Variants in PTPN3 observed in about 807,000 individuals in gnomAD.
The protein encoded by PTPN3 is protein tyrosine phosphatase non-receptor type 3.
PTPN3 carries 96 observed loss-of-function variants against 132.7 expected under a neutral mutation model. That is an observed-to-expected ratio of 0.72 (90% CI 0.61 to 0.86). The LOEUF (loss-of-function observed/expected upper bound fraction) is 0.86, where lower values mean the gene tolerates loss of function less well. Ranked by LOEUF, PTPN3 falls within the 40% of genes least tolerant of loss-of-function variation. PTPN3 has a pLI of 0.00. For synonymous variants in PTPN3, 398 were observed against 429.0 expected, an observed-to-expected ratio of 0.93 and a Z score of 0.89; for missense variants, 1,125 against 1,159.6, an observed-to-expected ratio of 0.97 and a Z score of 0.43.
chr9:109,491,083 C>A (rs1847440884), intron 1 of PTPN3, among the ~76,000 whole-genome samples: 1 of 151,274 alleles, frequency 6.6e-6, no homozygotes, highest in Non-Finnish European at 1.5e-5. Context: ...GGAATCCCAG[C>A]TACTTGGGAG....
At chr9:109,498,733 C>T (rs958801520), upstream of PTPN3, among the ~76,000 whole-genome samples, 2 of 152,150 alleles carry the variant, frequency 1.3e-5, no homozygotes, top group African/African-American at 4.8e-5. The surrounding 1 kb of genome is among the most constrained non-coding windows in gnomAD (Gnocchi z 4.2). Flanking sequence ...CCCCAAGGCT[C>T]GTGGGACCCC....
the PTPN3 span, among the ~76,000 whole-genome samples, chr9:109,524,436 C>T: frequency 1.3e-5 from 2 of 152,178 alleles, no homozygotes; most frequent in Non-Finnish European, 2.9e-5. Flanking sequence ...GCTCAAGACT[C>T]ACTACTCATG....
intron 1 of PTPN3, among the ~76,000 whole-genome samples, chr9:109,486,928 T>G (rs1847243434): frequency 6.6e-6 from 1 of 152,154 alleles, no homozygotes; most frequent in African/African-American, 2.4e-5. Context: ...GAGGTTGTGT[T>G]TGCTTCCCCT....
chr9:109,519,925 G>A, the PTPN3 span, among the ~76,000 whole-genome samples: 14 of 152,290 alleles, frequency 9.2e-5, no homozygotes, highest in African/African-American at 3.1e-4. Context: ...TTGGGAGGCC[G>A]AGTTGGTAAG....
chr9:109,510,574 AAAAT>A, the PTPN3 span, among the ~76,000 whole-genome samples: 96 of 49,188 alleles, frequency 2.0e-3, no homozygotes, highest in African/African-American at 6.4e-3. Context: ...AAAAAAAAAA[AAAAT>A]ATATATATAT....
At chr9:109,411,072 A>G (rs955264172) in intron 14 of PTPN3, among the ~76,000 whole-genome samples, 1 of 152,104 alleles carries the variant, frequency 6.6e-6, no homozygotes, top group South Asian at 2.1e-4. Context: ...AAGACAAGAA[A>G]CCAGCCATAC....
At chr9:109,419,841 A>G (rs537386736) in intron 14 of PTPN3, among the ~76,000 whole-genome samples, 2 of 152,162 alleles carry the variant, frequency 1.3e-5, no homozygotes, top group Admixed American at 1.3e-4. Flanking sequence ...TTGAGCTATG[A>G]GGGAACTCTG....
chr9:109,383,073 T>C (rs1839251262), intron 23 of PTPN3, among the ~76,000 whole-genome samples: 1 of 152,234 alleles, frequency 6.6e-6, no homozygotes. Flanking sequence ...TCTTTCTATG[T>C]CTGGCTTATT....
chr9:109,491,821 G>C (rs961890936), intron 1 of PTPN3, among the ~76,000 whole-genome samples: 2 of 152,194 alleles, frequency 1.3e-5, no homozygotes, highest in African/African-American at 4.8e-5. Flanking sequence ...CAGCAGGAAG[G>C]AGCACGGTGA....
intron 1 of PTPN3, among the ~76,000 whole-genome samples, chr9:109,497,823 T>C (rs1454279570): frequency 6.6e-6 from 1 of 151,836 alleles, no homozygotes; most frequent in Non-Finnish European, 1.5e-5. Context: ...GCGGGCTGTG[T>C]GCCCCCTCGG....
intron 7 of PTPN3, among the ~76,000 whole-genome samples, chr9:109,443,314 T>C (rs1420367617): frequency 3.9e-5 from 6 of 152,000 alleles, no homozygotes; most frequent in Non-Finnish European, 7.4e-5. Context: ...TGGGATCAAG[T>C]GATCCTCCTG....
Position 109,438,108 on chromosome 9 carries a change from C to A in PTPN3, c.587+6G>T, listed in dbSNP as rs368373473. ...CCCCAAAGTAGGCCACCCCAGCCCC[C>A]CTCACCTGTGCTGCTCATGCAGAGA... is the stretch of plus-strand genomic sequence containing the variant. On this transcript the variant is annotated splice_donor_region_variant and intron_variant, in intron 8 of 25. Coordinates refer to ENST00000374541, the MANE Select transcript of PTPN3 (RefSeq NM_002829.4). 12 of 1,612,484 alleles carry A rather than the reference C, an allele frequency of 7.4e-6. No homozygotes were observed. The South Asian group carries it at 1.1e-4, about 15-fold the overall frequency.
At chr9:109,439,359 G>C (rs898178422) in intron 7 of PTPN3, among the ~76,000 whole-genome samples, 1 of 145,944 alleles carries the variant, frequency 6.9e-6, no homozygotes, top group Non-Finnish European at 1.5e-5. Context: ...ACAAAAAAAA[G>C]CTTCTACTTC....
intron 1 of PTPN3, among the ~76,000 whole-genome samples, chr9:109,464,680 C>T (rs1846010203): frequency 6.6e-6 from 1 of 152,194 alleles, no homozygotes; most frequent in Non-Finnish European, 1.5e-5. Flanking sequence ...CTGGAAAAGA[C>T]CCCATTTATC....
intron 5 of PTPN3, chr9:109,451,077 G>A: frequency 3.1e-6 from 3 of 973,644 alleles, no homozygotes; most frequent in Non-Finnish European, 3.7e-6. Context: ...TGAATTAATG[G>A]TAGAAGCCTG....
At chr9:109,413,709 G>A (rs984027789) in intron 14 of PTPN3, among the ~76,000 whole-genome samples, 4 of 152,148 alleles carry the variant, frequency 2.6e-5, no homozygotes, top group African/African-American at 9.7e-5. Context: ...GAGCCAGTGT[G>A]GGACTGACCA....
At chr9:109,494,747 T>C (rs1336622078) in intron 1 of PTPN3, among the ~76,000 whole-genome samples, 1 of 152,068 alleles carries the variant, frequency 6.6e-6, no homozygotes, top group Non-Finnish European at 1.5e-5. Context: ...CACATACACA[T>C]ATACAAACTG....
chr9:109,447,796 T>C (rs1418860894), intron 6 of PTPN3, among the ~76,000 whole-genome samples: 1 of 152,226 alleles, frequency 6.6e-6, no homozygotes, highest in Non-Finnish European at 1.5e-5. Context: ...TTTGTGGATA[T>C]GGCTCTTGCC....
intron 4 of PTPN3, among the ~76,000 whole-genome samples, chr9:109,456,185 G>A (rs527720435): frequency 6.6e-6 from 1 of 152,312 alleles, no homozygotes; most frequent in East Asian, 1.9e-4. Flanking sequence ...CTGTGTATGC[G>A]CACCTGCGTG....
Sources: gnomAD v4.1 joint callset for allele counts (sites outside exome capture counted in the v4.1 genomes callset) on GRCh38, gnomAD v4.1.1 for gene constraint, Gnocchi (gnomAD v3.1) non-coding constraint, MANE v1.5 for transcripts, NCBI Gene and HGNC (gene_info 2026-07-23, HGNC 2026-07-21) for gene names.